PAXIP1: variants seen among roughly 807,000 people sequenced by gnomAD.
The protein encoded by PAXIP1 is PAX-interacting protein 1.
PAXIP1 carries 19 observed loss-of-function variants against 140.6 expected under a neutral mutation model. That is an observed-to-expected ratio of 0.14 (90% CI 0.09 to 0.20). The LOEUF is 0.20. PAXIP1 is among the 10% of genes least tolerant of loss of function. The pLI is 1.00. For missense variants in PAXIP1, 920 were observed against 1,208.6 expected (o/e 0.76, Z 3.54); for synonymous variants, 442 against 444.6 (o/e 0.99, Z 0.07).
At chr7:154,948,547 C>G (rs1036732576) in intron 16 of PAXIP1, 13 of 145,304 alleles carry the variant, frequency 8.9e-5, no homozygotes, top group African/African-American at 3.3e-4. Flanking sequence ...GATCTGGTCT[C>G]AAAATAATAG....
In PAXIP1 at chr7:154,983,321, T is replaced by A; in HGVS notation, c.336A>T (p.Glu112Asp). ...ITACLSQVSSEDRSALWALVT... is the reference protein window; with the variant it reads ...ITACLSQVSSDDRSALWALVT... The stretch of plus-strand genomic sequence containing the variant: ...CCAAAGCCCACAGGGCACTTCTGTC[T>A]TCAGATGACACCTGACAGAAAGTTA... The change falls in exon 5 of 21, where the codon GAA (glutamate) becomes GAT (aspartate). Residue 112 changes from glutamate (E) to aspartate (D), a missense_variant. Coordinates refer to ENST00000404141, the MANE Select transcript of PAXIP1 (RefSeq NM_007349.4). 1 of 1,574,832 alleles carries A rather than the reference T, an allele frequency of 6.3e-7. No individual in the cohort carries two copies. Among genetic ancestry groups the A allele is most frequent in the Non-Finnish European group, 8.7e-7 (1 of 1,145,246 alleles).
At chr7:154,945,431 TA>T (rs1209391689) in intron 20 of PAXIP1, 1 of 530,556 alleles carries the variant, frequency 1.9e-6, no homozygotes, top group Non-Finnish European at 2.4e-6. Context: ...TAAATATACT[TA>T]AATGTAATTA....
At chr7:154,978,965 G>C (rs1034429696) in intron 5 of PAXIP1, among the ~76,000 whole-genome samples, 2 of 152,070 alleles carry the variant, frequency 1.3e-5, no homozygotes, top group African/African-American at 4.8e-5. Flanking sequence ...ACTATTTCCT[G>C]TGGAAATCTA....
chr7:154,995,662 C>T (rs111914968), intron 2 of PAXIP1, among the ~76,000 whole-genome samples: 156 of 152,230 alleles, frequency 1.0e-3, no homozygotes, highest in Admixed American at 2.1e-3. Flanking sequence ...CCAGCCTGGC[C>T]AACATGGTGA....
intron 2 of PAXIP1, among the ~76,000 whole-genome samples, chr7:154,997,582 C>A (rs1810694226): frequency 6.6e-6 from 1 of 152,166 alleles, no homozygotes; most frequent in Non-Finnish European, 1.5e-5. Context: ...GAAATAAAAT[C>A]GAAGCATTGG....
chr7:154,976,197 T>C lies in PAXIP1; in HGVS notation c.573A>G (p.Glu191=). ...CCTCCTCCTCTTCCTCTTCCTCTTC[T>C]TCCTCTTCATAAATAATCAGACGAG... The part of the protein sequence containing the change: ...YHPRLIIYEE[E]EEEEEEEEEV... The change falls in exon 6 of 21, where the codon GAA becomes GAG. Residue 191 remains glutamate, a synonymous_variant. Coordinates refer to ENST00000404141, the MANE Select transcript of PAXIP1 (RefSeq NM_007349.4). 2 of 1,612,188 alleles carry C rather than the reference T, an allele frequency of 1.2e-6. No homozygotes were observed. The highest frequency in any genetic ancestry group is 1.7e-6 in the Non-Finnish European group (2 of 1,178,700).
chr7:154,947,855 C>T (rs775605944), intron 17 of PAXIP1, 48 bp downstream of exon 17: 12 of 1,305,000 alleles, frequency 9.2e-6, no homozygotes, highest in Middle Eastern at 1.8e-4. Context: ...TGAGCAGGTC[C>T]GTGTGTTATG....
chr7:154,977,165 C>A (rs1809619341), intron 5 of PAXIP1, among the ~76,000 whole-genome samples: 1 of 152,092 alleles, frequency 6.6e-6, no homozygotes, highest in African/African-American at 2.4e-5. Context: ...GAGACCTCTC[C>A]TGTGGTAAAG....
intron 2 of PAXIP1, 46 bp downstream of exon 2, chr7:154,998,604 A>G (rs1810749619): frequency 6.6e-7 from 1 of 1,523,180 alleles, no homozygotes; most frequent in Non-Finnish European, 9.0e-7. Context: ...TACTGCTTGC[A>G]AGATACTGAG....
At chr7:154,962,272 C>A in intron 10 of PAXIP1, 49 bp downstream of exon 10, 1 of 1,602,008 alleles carries the variant, frequency 6.2e-7, no homozygotes, top group Non-Finnish European at 8.5e-7. Context: ...GATTATTCGC[C>A]AAAGTCGAAG....
chr7:154,983,123 TATA>T (rs1348446270), intron 5 of PAXIP1, 93 bp downstream of exon 5: 2 of 616,862 alleles, frequency 3.2e-6, no homozygotes, highest in South Asian at 2.3e-5. Context: ...GTAAATGAAA[TATA>T]ATAACTAATT....
intron 5 of PAXIP1, among the ~76,000 whole-genome samples, chr7:154,981,865 C>G (rs1809857087): frequency 6.6e-6 from 1 of 152,048 alleles, no homozygotes; most frequent in Non-Finnish European, 1.5e-5. Flanking sequence ...AAAATATATA[C>G]TCTATCCTAA....
chr7:154,982,889 G>A (rs1166888950), intron 5 of PAXIP1, among the ~76,000 whole-genome samples: 4 of 151,972 alleles, frequency 2.6e-5, no homozygotes, highest in African/African-American at 7.3e-5. Flanking sequence ...AAATGGTGAC[G>A]GGAACTAAAA....
intron 6 of PAXIP1, among the ~76,000 whole-genome samples, chr7:154,971,943 G>A (rs551900757): frequency 1.3e-5 from 2 of 152,168 alleles, no homozygotes; most frequent in Admixed American, 6.5e-5. Flanking sequence ...GAAAATCTCC[G>A]CAATTCTTCT....
intron 4 of PAXIP1, among the ~76,000 whole-genome samples, chr7:154,990,240 C>A (rs1159800968): frequency 6.6e-6 from 1 of 152,024 alleles, no homozygotes; most frequent in East Asian, 1.9e-4. Context: ...GGGGTTTCGC[C>A]ACGTTTGCCA....
intron 3 of PAXIP1, among the ~76,000 whole-genome samples, chr7:154,992,551 T>C (rs1214059159): frequency 6.7e-6 from 1 of 150,122 alleles, no homozygotes. Context: ...GCCGAGATCG[T>C]GCCACTGGAC....
At chr7:154,996,615 T>A (rs1459861959) in intron 2 of PAXIP1, among the ~76,000 whole-genome samples, 1 of 152,174 alleles carries the variant, frequency 6.6e-6, no homozygotes, top group African/African-American at 2.4e-5. Context: ...ACTTGTGGGG[T>A]ATGATATCAA....
At chr7:154,990,481 A>G (rs1810280921) in intron 4 of PAXIP1, among the ~76,000 whole-genome samples, 1 of 152,212 alleles carries the variant, frequency 6.6e-6, no homozygotes, top group African/African-American at 2.4e-5. Flanking sequence ...TGTCCTCAGC[A>G]TCTCCACCAA....
At chr7:154,955,805 A>G (rs996002908) in intron 14 of PAXIP1, among the ~76,000 whole-genome samples, 174 bp from the exon 15 acceptor site, 18 of 152,222 alleles carry the variant, frequency 1.2e-4, no homozygotes, top group African/African-American at 4.3e-4. Flanking sequence ...CACCATTTCC[A>G]TAAAGTCACC....
Sources: allele counts gnomAD v4.1 joint callset (sites outside exome capture counted in the v4.1 genomes callset), GRCh38; gene constraint gnomAD v4.1.1; transcripts MANE v1.5; gene names NCBI Gene and HGNC (gene_info 2026-07-23, HGNC 2026-07-21).